The following SEC61A2 variants were observed in gnomAD, a reference collection of about 807,000 sequenced individuals.
SEC61A2 encodes the protein protein transport protein Sec61 subunit alpha isoform 2.
In SEC61A2, 28 loss-of-function variants were observed where a neutral mutation model predicts 59.9. The ratio of observed to expected loss-of-function variants is 0.47; its 90% CI spans 0.35 to 0.64. SEC61A2 has a LOEUF of 0.64. Ranked by LOEUF, SEC61A2 falls within the 30% of genes least tolerant of loss-of-function variation. SEC61A2 has a pLI of 0.01. For missense variants in SEC61A2, 340 were observed against 585.9 expected (o/e 0.58, Z 4.33); for synonymous variants, 202 against 214.4 (o/e 0.94, Z 0.50).
intron 4 of SEC61A2, among the ~76,000 whole-genome samples, chr10:12,144,310 T>A (rs1480424448): frequency 1.3e-5 from 2 of 152,216 alleles, no homozygotes; most frequent in Non-Finnish European, 2.9e-5. Context: ...TGAGGCCTTT[T>A]CTTTGCACAT....
chr10:12,159,430 G>A (rs546521025), intron 9 of SEC61A2, among the ~76,000 whole-genome samples: 7 of 152,290 alleles, frequency 4.6e-5, no homozygotes, highest in Admixed American at 4.6e-4. Context: ...GCTCTCATCT[G>A]TAATCCCAGC....
At position 12,162,886 on chromosome 10, in the gene SEC61A2, T is replaced by G. The variant is rs1024187074; in HGVS notation, c.1244+597T>G. On this transcript the variant is annotated intron_variant, in intron 11 of 11. Coordinates refer to ENST00000298428, the MANE Select transcript of SEC61A2 (RefSeq NM_018144.4). This position sits in a 1 kb window ranked among gnomAD's most constrained non-coding sequence, Gnocchi z 6.1. ...ATTTCATATAAATGGAATCATATAA[T>G]GTATGTTATTTTGTAAGTGGCTTCT... Among the ~76,000 whole-genome samples the G allele has an allele frequency of 6.6e-6, 1 of 152,208 alleles. No homozygotes were observed. Among genetic ancestry groups the G allele is most frequent in the Non-Finnish European group, 1.5e-5 (1 of 68,030 alleles).
Position 12,160,945 on chromosome 10 carries a change from G to C in SEC61A2, c.991G>C (p.Gly331Arg). The C allele has an allele frequency of 6.2e-7, 1 of 1,612,702 alleles. No homozygotes were observed. Among genetic ancestry groups the C allele is most frequent in the Admixed American group, 1.7e-5 (1 of 59,774 alleles). Residue 331 changes from glycine to arginine, a missense_variant, in exon 10 of 12, where the codon GGA becomes CGA. Around this residue, in one of 3 missense-constraint regions of SEC61A2, gnomAD observed 283 missense variants for 483.2 expected, o/e 0.59. Transcript: ENST00000298428. This position sits in a 1 kb window ranked among gnomAD's most constrained non-coding sequence, Gnocchi z 4.1. ...TGTTCTGTAGGATGTCAGTGGGGGA[G>C]GACCCGCACGTTCTTACCCAGTTGG... ...LGQWADVSGG[G>R]PARSYPVGGL...
At chr10:12,157,209 A>T (rs1834418597) in intron 8 of SEC61A2, 142 bp downstream of exon 8, 3 of 759,978 alleles carry the variant, frequency 3.9e-6, no homozygotes, top group Non-Finnish European at 6.4e-6. Context: ...GAGTCTCCAG[A>T]CTCTGATTTT....
At chr10:12,169,163 G>C, downstream of SEC61A2, 1 of 699,636 alleles carries the variant, frequency 1.4e-6, no homozygotes, top group South Asian at 2.0e-5. This position sits in a 1 kb window ranked among gnomAD's most constrained non-coding sequence, Gnocchi z 4.8. Context: ...GCTAAAGCTA[G>C]GCAACTTGGT....
In SEC61A2 at chr10:12,158,327, A is replaced by G; in HGVS notation, c.975+222A>G. 2 of 503,548 alleles carry G rather than the reference A, an allele frequency of 4.0e-6. No homozygotes were observed. The highest frequency in any genetic ancestry group is 7.0e-6 in the Non-Finnish European group (2 of 286,656). The allele number at this position is 503,548 out of a possible 1,614,324, so 31.2% of individuals were successfully genotyped here. ...ATTTTGCTCTCTAGGAAGCACTTTC[A>G]CATCTCATTTGAATGACCTTTTAAG... On this transcript the variant is annotated intron_variant, in intron 9 of 11. Coordinates refer to ENST00000298428, the MANE Select transcript of SEC61A2 (RefSeq NM_018144.4). The surrounding 1 kb of genome is among the most constrained non-coding windows in gnomAD (Gnocchi z 5.7).
Position 12,155,626 on chromosome 10 carries a change from GC to G in SEC61A2, c.463-150del. 1 of 900,668 alleles carries G rather than the reference GC, an allele frequency of 1.1e-6. No homozygotes were observed. The highest frequency in any genetic ancestry group is 1.6e-5 in the South Asian group (1 of 63,438). 55.8% of individuals were successfully genotyped at this position (900,668 alleles called of 1,614,324 possible). A position where few individuals can be genotyped will look rare whatever the true frequency, so the allele number is the denominator to read the frequency against. On this transcript the variant is annotated intron_variant, in intron 6 of 11. Transcript: ENST00000298428. The surrounding 1 kb of genome is among the most constrained non-coding windows in gnomAD (Gnocchi z 4.3). ...GATTGGCCTGAGTAAATGAAAGCAG[GC>G]CAAAAGATGCAGTTGGTCATCACAG...
In SEC61A2 at chr10:12,153,205, C is replaced by T. The variant is rs568745332; in HGVS notation, c.463-2573C>T. Among the ~76,000 whole-genome samples the T allele has an allele frequency of 7.9e-5, 12 of 152,254 alleles. No homozygotes were observed. The East Asian group carries it at 2.3e-3, about 29-fold the overall frequency. ...ATATTCTGGAGTCTGATTTTAGTAT[C>T]TTTCAGGGCTTAGGGTTTCTCTTCG... On this transcript the variant is annotated intron_variant, in intron 6 of 11. Transcript: ENST00000298428. This position sits in a 1 kb window ranked among gnomAD's most constrained non-coding sequence, Gnocchi z 5.2.
In SEC61A2 at chr10:12,129,862, G is replaced by A; in HGVS notation, c.7+68G>A. On this transcript the variant is annotated intron_variant, in intron 1 of 11. Transcript: ENST00000298428. This position sits in a 1 kb window ranked among gnomAD's most constrained non-coding sequence, Gnocchi z 5.6. The stretch of plus-strand genomic sequence containing the variant: ...AGGCCCCGCCTGGGCTGCGGGCGGT[G>A]GGGCTGGCGCTCGCTCGGAGTCGTG... The A allele has an allele frequency of 2.3e-6, 3 of 1,292,410 alleles. No individual in the cohort carries two copies. The highest frequency in any genetic ancestry group is 3.0e-6 in the Non-Finnish European group (3 of 1,009,606). 80.1% of individuals were successfully genotyped at this position (1,292,410 alleles called of 1,614,324 possible).
At chr10:12,167,888 C>T, downstream of SEC61A2, 2 of 1,590,892 alleles carry the variant, frequency 1.3e-6, no homozygotes, top group South Asian at 2.3e-5. Flanking sequence ...AGTGTTTGCG[C>T]AGCAGGTACT....
chr10:12,157,887 ACT>A lies in SEC61A2; in HGVS notation c.778-17_778-16del, dbSNP rs773107300. 6.2e-7 allele frequency: 1 copy of A among 1,610,844 alleles called. No individual in the cohort carries two copies. Among genetic ancestry groups the A allele is most frequent in the Admixed American group, 1.7e-5 (1 of 59,888 alleles). On this transcript the variant is annotated intron_variant, in intron 8 of 11. Coordinates refer to ENST00000298428, the MANE Select transcript of SEC61A2 (RefSeq NM_018144.4). Reference sequence around the variant, plus strand: ...CTTAATGTGTCTGGCTCCCCCACTTACTCTCCGTTTCCTTTTTTAGGGATTTC... The same window carrying A: ...CTTAATGTGTCTGGCTCCCCCACTTACTCCGTTTCCTTTTTTAGGGATTTC...
chr10:12,140,682 G>A (rs1356532676), intron 3 of SEC61A2, among the ~76,000 whole-genome samples: 2 of 152,112 alleles, frequency 1.3e-5, no homozygotes, highest in African/African-American at 2.4e-5. Flanking sequence ...TGCAACCTCC[G>A]CCTCCCGGAT....
downstream of SEC61A2, chr10:12,167,650 G>A: frequency 6.5e-7 from 1 of 1,542,786 alleles, no homozygotes; most frequent in Non-Finnish European, 8.9e-7. Flanking sequence ...AAGTCTTAGT[G>A]AAGAAGGCCT....
chr10:12,149,568 G>A lies in SEC61A2; in HGVS notation c.221-27G>A. On this transcript the variant is annotated intron_variant, in intron 4 of 11. Coordinates refer to ENST00000298428, the MANE Select transcript of SEC61A2 (RefSeq NM_018144.4). The surrounding 1 kb of genome is among the most constrained non-coding windows in gnomAD (Gnocchi z 5.2). Reference sequence around the variant, plus strand: ...GTTTGTATCGTGTACAGCAAACATTGCACACTTCTCTCCCCTTCCTTTCCA... The same window carrying A: ...GTTTGTATCGTGTACAGCAAACATTACACACTTCTCTCCCCTTCCTTTCCA... The A allele has an allele frequency of 6.3e-7, 1 of 1,579,922 alleles. No individual in the cohort carries two copies. Among genetic ancestry groups the A allele is most frequent in the Non-Finnish European group, 8.6e-7 (1 of 1,165,712 alleles).
chr10:12,156,071 A>C lies in SEC61A2; in HGVS notation c.616+140A>C. 1.3e-6 allele frequency: 1 copy of C among 797,062 alleles called. No homozygotes were observed. Among genetic ancestry groups the C allele is most frequent in the Non-Finnish European group, 2.0e-6 (1 of 489,894 alleles). The allele number at this position is 797,062 out of a possible 1,614,324, so 49.4% of individuals were successfully genotyped here. A position where few individuals can be genotyped will look rare whatever the true frequency, so the allele number is the denominator to read the frequency against. On this transcript the variant is annotated intron_variant, in intron 7 of 11. Coordinates refer to ENST00000298428, the MANE Select transcript of SEC61A2 (RefSeq NM_018144.4). The surrounding 1 kb of genome is among the most constrained non-coding windows in gnomAD (Gnocchi z 5.2). The stretch of plus-strand genomic sequence containing the variant: ...AGGAATGCGAATTCTTCAAAACTTA[A>C]TGAGCAGAGATTTGTGGAGTAAGCA...
At chr10:12,130,829 A>G (rs1026450350) in intron 1 of SEC61A2, 3 of 152,912 alleles carry the variant, frequency 2.0e-5, no homozygotes, top group African/African-American at 7.2e-5. Context: ...ACCTAATAGT[A>G]CTTGGGTAAC....
In SEC61A2 at chr10:12,155,077, A is replaced by G. The variant is rs1215393193; in HGVS notation, c.463-701A>G. ...GTCTTCTCCAAGAAGCAAGTTCAGA[A>G]TTTTCAATATCCCATAAATTAAAGT... On this transcript the variant is annotated intron_variant, in intron 6 of 11. Transcript: ENST00000298428. The surrounding 1 kb of genome is among the most constrained non-coding windows in gnomAD (Gnocchi z 4.3). Among the ~76,000 whole-genome samples the G allele has an allele frequency of 6.6e-6, 1 of 152,194 alleles. No individual in the cohort carries two copies. The highest frequency in any genetic ancestry group is 2.4e-5 in the African/African-American group (1 of 41,468).
chr10:12,167,695 T>C, downstream of SEC61A2: 1 of 1,613,872 alleles, frequency 6.2e-7, no homozygotes, highest in Non-Finnish European at 8.5e-7. Flanking sequence ...CAGTGTCATA[T>C]TTGGGCTTAA....
At position 12,161,914 on chromosome 10, in the gene SEC61A2, G is replaced by C. The variant is rs1193726854; in HGVS notation, c.1168-299G>C. ...GTGTCACCCCAACAGGCTAAAAATT[G>C]GTTCCCAAAAGGTAAAAAATTCTTA... On this transcript the variant is annotated intron_variant, in intron 10 of 11. Coordinates refer to ENST00000298428, the MANE Select transcript of SEC61A2 (RefSeq NM_018144.4). The surrounding 1 kb of genome is among the most constrained non-coding windows in gnomAD (Gnocchi z 5.4). 6.6e-6 allele frequency among the ~76,000 whole-genome samples: 1 copy of C among 151,966 alleles called. No individual in the cohort carries two copies. The highest frequency in any genetic ancestry group is 1.9e-4 in the East Asian group (1 of 5,180).
Sources: allele counts gnomAD v4.1 joint callset (sites outside exome capture counted in the v4.1 genomes callset), GRCh38; gene constraint gnomAD v4.1.1; regional missense constraint gnomAD v4.1.1; non-coding constraint Gnocchi (gnomAD v3.1); transcripts MANE v1.5; gene names NCBI Gene and HGNC (gene_info 2026-07-23, HGNC 2026-07-21).